FUT8: variants seen among roughly 807,000 people sequenced by gnomAD.
FUT8 encodes the protein fucosyltransferase 8, also known as alpha-(1,6)-fucosyltransferase.
FUT8 carries 29 observed loss-of-function variants against 71.3 expected under a neutral mutation model. The observed-to-expected ratio is 0.41, with a 90% CI of 0.30 to 0.55. The LOEUF (loss-of-function observed/expected upper bound fraction) is 0.55. FUT8 is among the 20% of genes least tolerant of loss of function. The pLI is 0.34. For missense variants in FUT8, 544 were observed against 702.1 expected, an observed-to-expected ratio of 0.77 and a Z score of 2.55; for synonymous variants, 254 against 239.3, an observed-to-expected ratio of 1.06 and a Z score of -0.57.
chr14:65,589,523 A>G (rs1295340456), intron 3 of FUT8, among the ~76,000 whole-genome samples: 1 of 143,780 alleles, frequency 7.0e-6, no homozygotes, highest in Non-Finnish European at 1.5e-5. Flanking sequence ...AGCTAACTGC[A>G]AGCTCTGCCT....
intron 9 of FUT8, among the ~76,000 whole-genome samples, chr14:65,731,792 GC>G (rs1895995407): frequency 6.6e-6 from 1 of 152,156 alleles, no homozygotes; most frequent in African/African-American, 2.4e-5. Context: ...ACCGCACCCA[GC>G]CTTAGGTACC....
chr14:65,362,790 G>A, the FUT8 span, among the ~76,000 whole-genome samples: 890 of 150,982 alleles, frequency 5.9e-3, 34 homozygotes, highest in East Asian at 0.096. Flanking sequence ...GTGAAAACCC[G>A]TCTCTACTAA....
chr14:65,700,679 T>C (rs559753746), intron 7 of FUT8, among the ~76,000 whole-genome samples: 1 of 152,086 alleles, frequency 6.6e-6, no homozygotes, highest in East Asian at 1.9e-4. Context: ...GATTACAGGC[T>C]TGAGCCACCA....
rs376473739 is a variant in FUT8, at chr14:65,576,696, C to CTTTTTTTTTT, written c.203+14962_203+14971dup. 3.0e-4 allele frequency among the ~76,000 whole-genome samples: 29 copies of CTTTTTTTTTT among 96,210 alleles called. 1 individual carries two copies. The highest frequency in any genetic ancestry group is 8.8e-4 in the African/African-American group (14 of 15,908). 63.1% of individuals were successfully genotyped at this position (96,210 alleles called of 152,430 possible). ...GGTGTGTGCCATGATGCCCAGCTTG[C>CTTTTTTTTTT]TTTTTTTTTTTTTTTTTTTTTTTTT... On this transcript the variant is annotated intron_variant, in intron 3 of 10. Coordinates refer to ENST00000673929, the MANE Select transcript of FUT8 (RefSeq NM_001371533.1).
chr14:65,376,712 C>T, the FUT8 span, among the ~76,000 whole-genome samples: 2 of 152,254 alleles, frequency 1.3e-5, no homozygotes, highest in Admixed American at 1.3e-4. Context: ...GTGCCCTGCT[C>T]ACAGTTATTA....
intron 7 of FUT8, among the ~76,000 whole-genome samples, chr14:65,702,437 C>T (rs77349863): frequency 0.026 from 4,002 of 151,910 alleles, 163 homozygotes; most frequent in African/African-American, 0.09. Context: ...TATAGTACCG[C>T]GCATACAGTT....
upstream of FUT8, among the ~76,000 whole-genome samples, chr14:65,410,407 C>A (rs2139332232): frequency 6.6e-6 from 1 of 152,246 alleles, no homozygotes; most frequent in South Asian, 2.1e-4. Context: ...TAATAATGTT[C>A]CATCACAGGT....
intron 8 of FUT8, among the ~76,000 whole-genome samples, chr14:65,722,979 TTTTAA>T (rs1026555347): frequency 3.3e-5 from 5 of 152,134 alleles, no homozygotes; most frequent in African/African-American, 1.2e-4. Context: ...AAGGAGGGTG[TTTTAA>T]TTTATGAAAA....
Position 65,669,505 on chromosome 14 carries a change from G to C in FUT8, c.835+25G>C. On this transcript the variant is annotated intron_variant, in intron 7 of 10. Coordinates refer to ENST00000673929, the MANE Select transcript of FUT8 (RefSeq NM_001371533.1). This position sits in a 1 kb window ranked among gnomAD's most constrained non-coding sequence, Gnocchi z 4.5. ...GGTAAGGAGCTTGTGCAGCATATGA[G>C]ATCTCTGGGCTGTTTCACTCAATTA... The C allele has an allele frequency of 6.6e-7, 1 of 1,508,864 alleles. No individual in the cohort carries two copies. The highest frequency in any genetic ancestry group is 9.2e-7 in the Non-Finnish European group (1 of 1,084,852). The allele number at this position is 1,508,864 out of a possible 1,614,324, so 93.5% of individuals were successfully genotyped here.
intron 6 of FUT8, among the ~76,000 whole-genome samples, chr14:65,635,143 G>T (rs530397411): frequency 9.2e-5 from 14 of 152,108 alleles, no homozygotes; most frequent in African/African-American, 3.1e-4. Context: ...TCTCTGCTTG[G>T]TCGCTGTTGG....
At chr14:65,499,100 CA>C (rs2066605512) in intron 2 of FUT8, among the ~76,000 whole-genome samples, 1 of 152,134 alleles carries the variant, frequency 6.6e-6, no homozygotes, top group African/African-American at 2.4e-5. Context: ...CTTCAAGCGA[CA>C]GTGATCTCAC....
intron 7 of FUT8, among the ~76,000 whole-genome samples, chr14:65,718,788 C>T (rs1410297062): frequency 6.6e-6 from 1 of 151,726 alleles, no homozygotes; most frequent in Non-Finnish European, 1.5e-5. Flanking sequence ...TGTCATACCA[C>T]TCTCTTTTGG....
chr14:65,559,428 G>T (rs923169820), intron 2 of FUT8, among the ~76,000 whole-genome samples: 3 of 152,120 alleles, frequency 2.0e-5, no homozygotes, highest in East Asian at 3.8e-4. Flanking sequence ...GTATTTGGGA[G>T]GATGTGTGTA....
At chr14:65,658,537 G>A (rs1891806573) in intron 6 of FUT8, among the ~76,000 whole-genome samples, 1 of 152,156 alleles carries the variant, frequency 6.6e-6, no homozygotes, top group Non-Finnish European at 1.5e-5. Flanking sequence ...ATGTCCTTCA[G>A]TGGGTAAATA....
chr14:65,480,299 ATTTTTTT>A (rs5809276), intron 2 of FUT8, among the ~76,000 whole-genome samples: 19 of 96,954 alleles, frequency 2.0e-4, no homozygotes, highest in Admixed American at 8.4e-4. Flanking sequence ...ATGAACTGTG[ATTTTTTT>A]TTTTTTTTTT....
At chr14:65,542,658 A>G (rs895371554) in intron 2 of FUT8, among the ~76,000 whole-genome samples, 7 of 152,160 alleles carry the variant, frequency 4.6e-5, no homozygotes, top group Non-Finnish European at 7.3e-5. Flanking sequence ...TTGAATCCCT[A>G]CTATTCTGTA....
At chr14:65,540,335 C>CA (rs1444684818) in intron 2 of FUT8, among the ~76,000 whole-genome samples, 1 of 151,890 alleles carries the variant, frequency 6.6e-6, no homozygotes, top group Non-Finnish European at 1.5e-5. Context: ...TAAATTCTGG[C>CA]AAAAAAGAGA....
the FUT8 span, among the ~76,000 whole-genome samples, chr14:65,380,750 A>T: frequency 3.3e-5 from 5 of 152,202 alleles, no homozygotes. Context: ...GTTCACTTGG[A>T]TGTCAATGAA....
At chr14:65,432,972 A>C (rs1249399233) in intron 1 of FUT8, among the ~76,000 whole-genome samples, 1 of 151,602 alleles carries the variant, frequency 6.6e-6, no homozygotes, top group Non-Finnish European at 1.5e-5. Flanking sequence ...TGCACTGTGG[A>C]CTCGCCCTGA....
Sources: gnomAD v4.1 joint callset for allele counts (sites outside exome capture counted in the v4.1 genomes callset) on GRCh38, gnomAD v4.1.1 for gene constraint, Gnocchi (gnomAD v3.1) non-coding constraint, MANE v1.5 for transcripts, NCBI Gene and HGNC (gene_info 2026-07-23, HGNC 2026-07-21) for gene names.